SLC4A4: variants seen among roughly 807,000 people sequenced by gnomAD.
SLC4A4 encodes the protein solute carrier family 4 member 4, also known as electrogenic sodium bicarbonate cotransporter 1.
Under a neutral mutation model 111.5 loss-of-function variants are expected in SLC4A4, and 27 were observed. The ratio of observed to expected loss-of-function variants is 0.24; its 90% CI spans 0.18 to 0.33. The LOEUF (loss-of-function observed/expected upper bound fraction) is 0.33. SLC4A4 is among the 10% of genes least tolerant of loss of function. The pLI, the probability that SLC4A4 is intolerant of heterozygous loss-of-function variation, is 1.00. For missense variants in SLC4A4, 909 were observed against 1,315.5 expected (o/e 0.69, Z 4.78); for synonymous variants, 443 against 463.4 (o/e 0.96, Z 0.57).
chr4:71,337,847 A>T (rs1440447605), intron 3 of SLC4A4, among the ~76,000 whole-genome samples: 1 of 151,534 alleles, frequency 6.6e-6, no homozygotes, highest in African/African-American at 2.4e-5. Flanking sequence ...TAATTAATTT[A>T]TAGACAGGGT....
At chr4:71,496,402 G>C (rs1730411024) in intron 15 of SLC4A4, among the ~76,000 whole-genome samples, 2 of 152,034 alleles carry the variant, frequency 1.3e-5, no homozygotes, top group South Asian at 4.2e-4. Flanking sequence ...ACAAGGATAT[G>C]GTTTCAGCTG....
intron 3 of SLC4A4, among the ~76,000 whole-genome samples, chr4:71,286,574 A>G (rs1333623283): frequency 6.6e-6 from 1 of 152,248 alleles, no homozygotes; most frequent in Non-Finnish European, 1.5e-5. Context: ...GTGCAAAGTT[A>G]GGCCAAACAT....
At chr4:71,438,588 G>C (rs1386303592) in intron 7 of SLC4A4, among the ~76,000 whole-genome samples, 1 of 152,152 alleles carries the variant, frequency 6.6e-6, no homozygotes, top group Non-Finnish European at 1.5e-5. Flanking sequence ...AAGCTTAGAA[G>C]TCCTCAATTA....
At chr4:71,386,616 A>G (rs189375148) in intron 6 of SLC4A4, among the ~76,000 whole-genome samples, 21 of 152,034 alleles carry the variant, frequency 1.4e-4, no homozygotes, top group African/African-American at 4.8e-4. Context: ...GTATAATCTC[A>G]TACATATAGG....
intron 3 of SLC4A4, among the ~76,000 whole-genome samples, chr4:71,324,544 C>G (rs1254722466): frequency 6.6e-6 from 1 of 151,946 alleles, no homozygotes; most frequent in South Asian, 2.1e-4. Flanking sequence ...AATGGCTTAG[C>G]AGCGTTTTAA....
At chr4:71,183,569 AT>A (rs1309290837), upstream of SLC4A4, among the ~76,000 whole-genome samples, 1 of 152,212 alleles carries the variant, frequency 6.6e-6, no homozygotes, top group Admixed American at 6.5e-5. Flanking sequence ...TTGGTGACCT[AT>A]TATCTATCGA....
chr4:71,310,509 C>T (rs1726054133), intron 3 of SLC4A4, among the ~76,000 whole-genome samples: 1 of 152,154 alleles, frequency 6.6e-6, no homozygotes, highest in Admixed American at 6.5e-5. Flanking sequence ...ACCCTACAAG[C>T]CAGAAGAGAG....
At chr4:71,310,349 C>G (rs1035698852) in intron 3 of SLC4A4, among the ~76,000 whole-genome samples, 8 of 152,090 alleles carry the variant, frequency 5.3e-5, no homozygotes, top group African/African-American at 1.9e-4. Flanking sequence ...CTAAGATACT[C>G]TTCAAGAAGA....
At chr4:71,470,897 A>G (rs1220785990) in intron 13 of SLC4A4, among the ~76,000 whole-genome samples, 2 of 151,926 alleles carry the variant, frequency 1.3e-5, no homozygotes, top group Admixed American at 1.3e-4. Context: ...CTTGCAACTG[A>G]TTGGATGAGT....
intron 1 of SLC4A4, among the ~76,000 whole-genome samples, chr4:71,218,727 G>A (rs555087384): frequency 1.2e-4 from 18 of 152,234 alleles, no homozygotes; most frequent in African/African-American, 3.9e-4. Flanking sequence ...GATGATAATA[G>A]TAGCAGCTAT....
At chr4:71,348,317 A>T (rs1578888822) in intron 4 of SLC4A4, among the ~76,000 whole-genome samples, 1 of 8,936 alleles carries the variant, frequency 1.1e-4, no homozygotes, top group Non-Finnish European at 3.5e-4. Flanking sequence ...ATTTAGTCAC[A>T]CACACACACA....
chr4:71,357,040 C>T lies in SLC4A4; in HGVS notation c.583C>T (p.Leu195=), dbSNP rs747852925. ...TGTTGACCATCAGATTGAGACAGGC[C>T]TATTGAAACCTGAACTTAAGGATAA... ...MIVDHQIETG[L]LKPELKDKVT... is the part of the protein sequence containing the mutation. The change falls in exon 6 of 26, where the codon CTA becomes TTA. Residue 195 remains leucine, a synonymous_variant. Coordinates refer to ENST00000264485, the MANE Select transcript of SLC4A4 (RefSeq NM_001098484.3). 5.6e-6 allele frequency: 9 copies of T among 1,613,886 alleles called. No homozygotes were observed. The East Asian group carries it at 2.0e-4, about 36-fold the overall frequency.
intron 14 of SLC4A4, among the ~76,000 whole-genome samples, chr4:71,486,270 A>G (rs887089135): frequency 2.0e-5 from 3 of 151,490 alleles, no homozygotes; most frequent in African/African-American, 7.3e-5. Context: ...CTGTTTTTTA[A>G]TTTTCAGACA....
chr4:71,419,461 C>T (rs1230722720), intron 7 of SLC4A4, among the ~76,000 whole-genome samples: 1 of 152,218 alleles, frequency 6.6e-6, no homozygotes, highest in African/African-American at 2.4e-5. Flanking sequence ...GCTGTGCTAG[C>T]AATCAGCGAG....
chr4:71,124,634 TA>T (rs1578502977), intron 2 of SLC4A4, among the ~76,000 whole-genome samples: 1 of 152,388 alleles, frequency 6.6e-6, no homozygotes, highest in East Asian at 1.9e-4. Flanking sequence ...TTCTTATTTT[TA>T]CTTTCAATCT....
At chr4:71,130,115 T>G (rs545249423) in intron 2 of SLC4A4, among the ~76,000 whole-genome samples, 1 of 152,220 alleles carries the variant, frequency 6.6e-6, no homozygotes, top group African/African-American at 2.4e-5. Context: ...AACCTGCACA[T>G]GTACCCTTAA....
At chr4:71,530,963 G>T (rs976309698) in intron 16 of SLC4A4, among the ~76,000 whole-genome samples, 13 of 152,088 alleles carry the variant, frequency 8.5e-5, no homozygotes, top group African/African-American at 2.9e-4. Flanking sequence ...TTAGGAGCAG[G>T]CTTCCTTGTA....
chr4:71,499,717 TC>T, intron 16 of SLC4A4, among the ~76,000 whole-genome samples: 1 of 37,032 alleles, frequency 2.7e-5, no homozygotes. Flanking sequence ...CATAATGTCT[TC>T]CAGATAACAT....
At chr4:71,085,620 A>G (rs919756462) in intron 1 of SLC4A4, among the ~76,000 whole-genome samples, 7 of 152,232 alleles carry the variant, frequency 4.6e-5, no homozygotes, top group Admixed American at 3.9e-4. Context: ...AGCTTTCTAC[A>G]TATGGCTAGC....
Sources: gnomAD v4.1 joint callset for allele counts (sites outside exome capture counted in the v4.1 genomes callset) on GRCh38, gnomAD v4.1.1 for gene constraint, MANE v1.5 for transcripts, NCBI Gene and HGNC (gene_info 2026-07-23, HGNC 2026-07-21) for gene names.